The following PTPN11 variants were observed in gnomAD, a reference collection of about 807,000 sequenced individuals.
PTPN11 encodes tyrosine-protein phosphatase non-receptor type 11.
Under a neutral mutation model 78.8 loss-of-function variants are expected in PTPN11, and 6 were observed. The observed-to-expected ratio is 0.08, with a 90% CI of 0.04 to 0.15. PTPN11 has a LOEUF of 0.15. PTPN11 is among the 10% of genes least tolerant of loss of function. The probability of loss-of-function intolerance (pLI) is 1.00; values close to 1 mark genes in which losing one functional copy is unlikely to be tolerated. For missense variants in PTPN11, 386 were observed against 744.8 expected (o/e 0.52, Z 5.61); for synonymous variants, 221 against 263.5 (o/e 0.84, Z 1.56).
chr12:112,445,384 G>C (rs1345059235), intron 1 of PTPN11, among the ~76,000 whole-genome samples: 1 of 152,016 alleles, frequency 6.6e-6, no homozygotes, highest in Admixed American at 6.6e-5. Context: ...TGCCCGCCTC[G>C]GCCTCCCAAA....
At chr12:112,483,987 G>A (rs1186859935) in intron 10 of PTPN11, among the ~76,000 whole-genome samples, 2 of 151,976 alleles carry the variant, frequency 1.3e-5, no homozygotes, top group Admixed American at 1.3e-4. Context: ...GGTGGGATGC[G>A]GAGGGGAGGT....
chr12:112,451,692 G>T (rs1032584345), intron 3 of PTPN11, among the ~76,000 whole-genome samples: 3 of 152,148 alleles, frequency 2.0e-5, no homozygotes, highest in Admixed American at 6.6e-5. Context: ...AGTTTGAGAT[G>T]ATCACCCAGG....
rs2038769906 is a variant in PTPN11, at chr12:112,493,020, T to C, written c.1599+3845T>C. Reference sequence around the variant, plus strand: ...GATATATGTATACTTTGTGAAATGATTATCAAAATTGAGTTAAATAATGCA... The same window carrying C: ...GATATATGTATACTTTGTGAAATGACTATCAAAATTGAGTTAAATAATGCA... On this transcript the variant is annotated intron_variant, in intron 13 of 15. Transcript: ENST00000351677. Among the ~76,000 whole-genome samples the C allele has an allele frequency of 2.0e-5, 3 of 152,112 alleles. No individual in the cohort carries two copies. The South Asian group carries it at 6.2e-4, about 31-fold the overall frequency.
intron 6 of PTPN11, among the ~76,000 whole-genome samples, chr12:112,459,843 A>G (rs1566172239): frequency 6.6e-6 from 1 of 152,036 alleles, no homozygotes; most frequent in African/African-American, 2.4e-5. Context: ...TAGCATTATC[A>G]TATCTAAAAC....
intron 1 of PTPN11, among the ~76,000 whole-genome samples, chr12:112,423,604 G>A (rs974795309): frequency 6.6e-6 from 1 of 152,002 alleles, no homozygotes; most frequent in African/African-American, 2.4e-5. Flanking sequence ...AAATGTATTG[G>A]TATAGAATAT....
intron 13 of PTPN11, among the ~76,000 whole-genome samples, chr12:112,491,714 TC>T (rs1566187985): frequency 1.3e-5 from 2 of 152,214 alleles, no homozygotes; most frequent in Non-Finnish European, 2.9e-5. Context: ...ATCTTTTTTC[TC>T]TTTTTTTGAG....
intron 1 of PTPN11, among the ~76,000 whole-genome samples, chr12:112,431,746 A>G (rs985710489): frequency 6.6e-6 from 1 of 152,188 alleles, no homozygotes; most frequent in African/African-American, 2.4e-5. Context: ...CCAAATGTGA[A>G]ACTCCAAGGG....
intron 7 of PTPN11, 36 bp from the exon 8 acceptor site, chr12:112,477,615 C>G: frequency 1.3e-6 from 2 of 1,531,892 alleles, no homozygotes; most frequent in South Asian, 2.2e-5. Context: ...TGAAGCAGTC[C>G]AGGACTTATG....
chr12:112,503,537 T>C (rs1025911646), intron 14 of PTPN11, among the ~76,000 whole-genome samples: 4 of 152,220 alleles, frequency 2.6e-5, no homozygotes, highest in African/African-American at 9.6e-5. Context: ...CTCGTCCAAG[T>C]TGCCACTTCT....
At chr12:112,432,687 GAA>G (rs2037731140) in intron 1 of PTPN11, among the ~76,000 whole-genome samples, 1 of 138,098 alleles carries the variant, frequency 7.2e-6, no homozygotes, top group Non-Finnish European at 1.6e-5. Flanking sequence ...AAAAAAAAAA[GAA>G]TATTATGGGC....
chr12:112,473,439 T>G (rs2038450385), intron 7 of PTPN11, among the ~76,000 whole-genome samples: 1 of 152,144 alleles, frequency 6.6e-6, no homozygotes, highest in South Asian at 2.1e-4. Context: ...GGGACTCAGT[T>G]CCCTTAAGTG....
chr12:112,422,369 G>C (rs2037535556), intron 1 of PTPN11, among the ~76,000 whole-genome samples: 1 of 152,202 alleles, frequency 6.6e-6, no homozygotes, highest in Non-Finnish European at 1.5e-5. Flanking sequence ...ATGTAGCAGT[G>C]ATAGTACTGG....
At chr12:112,431,321 A>G (rs911429632) in intron 1 of PTPN11, among the ~76,000 whole-genome samples, 1 of 152,194 alleles carries the variant, frequency 6.6e-6, no homozygotes, top group Non-Finnish European at 1.5e-5. Flanking sequence ...GCTTGAGCCC[A>G]GGAGTTGGAG....
chr12:112,430,618 T>C (rs1259358918), intron 1 of PTPN11, among the ~76,000 whole-genome samples: 2 of 151,964 alleles, frequency 1.3e-5, no homozygotes, highest in Admixed American at 6.6e-5. Flanking sequence ...TTTTTTTTTT[T>C]CTAGAGATGA....
intron 7 of PTPN11, among the ~76,000 whole-genome samples, chr12:112,474,304 C>G (rs1392768805): frequency 1.3e-5 from 2 of 152,036 alleles, no homozygotes; most frequent in African/African-American, 4.8e-5. Flanking sequence ...TGCAATGAGC[C>G]GGAGGTGCTA....
At position 112,497,300 on chromosome 12, in the gene PTPN11, C is replaced by A. The variant is rs56393627; in HGVS notation, c.1600-4844C>A. ...TTAAACTGGCCTTGTGTAGCACTTG[C>A]TATTTGGCTCCTCATATTTTATTAG... On this transcript the variant is annotated intron_variant, in intron 13 of 15. Transcript: ENST00000351677. 2.7e-3 allele frequency among the ~76,000 whole-genome samples: 415 copies of A among 152,178 alleles called. 1 individual carries two copies. The highest frequency in any genetic ancestry group is 9.7e-3 in the African/African-American group (404 of 41,530).
At chr12:112,464,905 T>C (rs1400533105) in intron 6 of PTPN11, among the ~76,000 whole-genome samples, 5 of 152,202 alleles carry the variant, frequency 3.3e-5, no homozygotes, top group African/African-American at 1.2e-4. Flanking sequence ...CCATTTGTGA[T>C]CTGTGTAAAT....
chr12:112,450,368 A>G lies in PTPN11; in HGVS notation c.188A>G (p.Tyr63Cys), dbSNP rs121918459. Residue 63 changes from tyrosine (Y) to cysteine (C), a missense_variant, in exon 3 of 16, where the codon TAT (tyrosine) becomes TGT (cysteine). Around this residue, in one of 3 missense-constraint regions of PTPN11, gnomAD observed 279 missense variants for 503.3 expected, o/e 0.55. Coordinates refer to ENST00000351677, the MANE Select transcript of PTPN11 (RefSeq NM_002834.5). ...AAGATTCAGAACACTGGTGATTACT[A>G]TGACCTGTATGGAGGGGAGAAATTT... The part of the protein sequence containing the change: ...HIKIQNTGDY[Y>C]DLYGGEKFAT... 14 of 1,613,144 alleles carry G rather than the reference A, an allele frequency of 8.7e-6. No homozygotes were observed. Among genetic ancestry groups the G allele is most frequent in the East Asian group, 2.2e-5 (1 of 44,888 alleles).
intron 7 of PTPN11, among the ~76,000 whole-genome samples, chr12:112,474,168 G>T (rs1348874872): frequency 1.3e-5 from 2 of 152,068 alleles, no homozygotes. Context: ...GGCCAACATG[G>T]TGAAACCCCA....
Sources: allele counts gnomAD v4.1 joint callset (sites outside exome capture counted in the v4.1 genomes callset), GRCh38; gene constraint gnomAD v4.1.1; regional missense constraint gnomAD v4.1.1; transcripts MANE v1.5; gene names NCBI Gene and HGNC (gene_info 2026-07-23, HGNC 2026-07-21).